The following XG variants were observed in gnomAD, a reference collection of about 807,000 sequenced individuals.
The protein encoded by XG is glycoprotein Xg.
XG carries 24 observed loss-of-function variants against 25.7 expected under a neutral mutation model. The ratio of observed to expected loss-of-function variants is 0.93; its 90% CI spans 0.68 to 1.31. The LOEUF is 1.31. Ranked by LOEUF, XG falls within the 40% of genes most tolerant of loss-of-function variation. XG has a pLI of 0.00. For missense variants in XG, 181 were observed against 187.6 expected, an observed-to-expected ratio of 0.96 and a Z score of 0.21; for synonymous variants, 77 against 69.2, an observed-to-expected ratio of 1.11 and a Z score of -0.56.
chrX:2,776,906 A>G (rs2051011078), intron 3 of XG, among the ~76,000 whole-genome samples: 1 of 152,248 alleles, frequency 6.6e-6, no homozygotes, highest in East Asian at 1.9e-4. Flanking sequence ...CTTGACTGCC[A>G]TGAGAGATGT....
chrX:2,776,726 T>C (rs2051002471), intron 3 of XG, among the ~76,000 whole-genome samples: 1 of 152,186 alleles, frequency 6.6e-6, no homozygotes, highest in Non-Finnish European at 1.5e-5. Context: ...CGGGCGCCTG[T>C]AGTCTCAGCT....
chrX:2,774,242 G>C (rs1259135229), intron 2 of XG, among the ~76,000 whole-genome samples: 1 of 152,118 alleles, frequency 6.6e-6, no homozygotes, highest in East Asian at 1.9e-4. Flanking sequence ...TCACTAAGCA[G>C]GGCAGTCACA....
chrX:2,762,125 T>G (rs2050579185), intron 1 of XG, among the ~76,000 whole-genome samples: 1 of 152,202 alleles, frequency 6.6e-6, no homozygotes, highest in South Asian at 2.1e-4. Flanking sequence ...CGTCAACCAG[T>G]GCCTCATTGC....
At chrX:2,794,082 C>T (rs1371377465) in intron 5 of XG, among the ~76,000 whole-genome samples, 1 of 110,718 alleles carries the variant, frequency 9.0e-6, no homozygotes, top group African/African-American at 3.3e-5. Context: ...TTGGCTCATC[C>T]AGGAAGGACG....
intron 7 of XG, among the ~76,000 whole-genome samples, chrX:2,805,407 T>A (rs1165239175): frequency 3.6e-5 from 4 of 112,293 alleles, no homozygotes; most frequent in Non-Finnish European, 3.8e-5. Context: ...TGAGCAGGGC[T>A]GGTTCCTCCT....
chrX:2,765,699 G>A, intron 1 of XG, among the ~76,000 whole-genome samples: 1 of 152,318 alleles, frequency 6.6e-6, no homozygotes, highest in South Asian at 2.1e-4. Flanking sequence ...AATTCAGTGG[G>A]GAGCAGAGGT....
intron 7 of XG, among the ~76,000 whole-genome samples, chrX:2,797,968 A>G (rs1413746548): frequency 8.9e-6 from 1 of 112,152 alleles, no homozygotes; most frequent in African/African-American, 3.2e-5. Flanking sequence ...TGAGCCCAGG[A>G]GGTCGAGGCT....
chrX:2,799,869 C>T (rs2086918909), intron 7 of XG, among the ~76,000 whole-genome samples: 1 of 111,889 alleles, frequency 8.9e-6, no homozygotes, highest in South Asian at 3.8e-4. Flanking sequence ...GTTTAGCTCC[C>T]ACTTGTAAAT....
At chrX:2,774,168 T>C (rs1371267025) in intron 2 of XG, among the ~76,000 whole-genome samples, 1 of 152,132 alleles carries the variant, frequency 6.6e-6, no homozygotes, top group Non-Finnish European at 1.5e-5. Context: ...CTCCACCTCC[T>C]TTGAGCCATC....
chrX:2,781,995 T>C (rs1196629559), intron 3 of XG, 71 bp from the exon 4 acceptor site: 31 of 1,084,034 alleles, frequency 2.9e-5, no homozygotes, highest in Non-Finnish European at 3.7e-5. Context: ...CTGATGAGCT[T>C]GTTTCTGCAG....
intron 4 of XG, among the ~76,000 whole-genome samples, chrX:2,787,706 A>G (rs1440342448): frequency 9.0e-6 from 1 of 110,597 alleles, no homozygotes; most frequent in Non-Finnish European, 1.9e-5. Context: ...CAGGATTTCA[A>G]GACCAGCCTG....
chrX:2,787,741 T>C (rs1212599578), intron 4 of XG, among the ~76,000 whole-genome samples: 3 of 110,220 alleles, frequency 2.7e-5, no homozygotes, highest in African/African-American at 6.6e-5. Context: ...ACCCTGTCTC[T>C]ACTAAAAATA....
At chrX:2,807,898 G>C (rs1157835607) in intron 8 of XG, among the ~76,000 whole-genome samples, 1 of 111,964 alleles carries the variant, frequency 8.9e-6, no homozygotes, top group Non-Finnish European at 1.9e-5. Flanking sequence ...GCCTGTGTGT[G>C]TTTTGCATGC....
intron 3 of XG, among the ~76,000 whole-genome samples, chrX:2,776,861 C>T (rs867608239): frequency 9.8e-5 from 14 of 142,908 alleles, no homozygotes; most frequent in Non-Finnish European, 1.5e-4. Flanking sequence ...ACAACAACAA[C>T]AAAAAGAAAT....
chrX:2,773,503 GAA>G (rs1278240048), intron 2 of XG, among the ~76,000 whole-genome samples: 68 of 140,986 alleles, frequency 4.8e-4, no homozygotes, highest in African/African-American at 1.3e-3. Flanking sequence ...AGGAAGGAGA[GAA>G]GGAAGGAAGG....
intron 1 of XG, among the ~76,000 whole-genome samples, chrX:2,764,437 C>A (rs981207341): frequency 1.3e-5 from 2 of 152,142 alleles, no homozygotes; most frequent in Admixed American, 1.3e-4. Context: ...TCTTTCCGGT[C>A]ACAAGTTCAG....
At chrX:2,792,286 C>T (rs1174019745) in intron 5 of XG, among the ~76,000 whole-genome samples, 2 of 110,855 alleles carry the variant, frequency 1.8e-5, no homozygotes, top group Non-Finnish European at 3.8e-5. Flanking sequence ...AACGAGACTC[C>T]ATCTCAAAAA....
At chrX:2,811,789 T>C (rs1387513994) in intron 10 of XG, among the ~76,000 whole-genome samples, 1 of 110,305 alleles carries the variant, frequency 9.1e-6, no homozygotes, top group African/African-American at 3.3e-5. Context: ...AGAGATGGGG[T>C]TTCACCATGT....
intron 1 of XG, among the ~76,000 whole-genome samples, chrX:2,765,129 C>T (rs1260663889): frequency 1.4e-5 from 2 of 146,714 alleles, no homozygotes; most frequent in African/African-American, 2.5e-5. Flanking sequence ...GGGTGGATCA[C>T]GAGGTCAGGA....
Sources: allele counts gnomAD v4.1 joint callset (sites outside exome capture counted in the v4.1 genomes callset), GRCh38; gene constraint gnomAD v4.1.1; transcripts MANE v1.5; gene names NCBI Gene and HGNC (gene_info 2026-07-23, HGNC 2026-07-21).